The following GALNT13 variants were observed in gnomAD, a reference collection of about 807,000 sequenced individuals.
GALNT13 encodes UDP-GalNAc:polypeptide N-acetylgalactosaminyltransferase 13.
Under a neutral mutation model 64.2 loss-of-function variants are expected in GALNT13, and 28 were observed. The ratio of observed to expected loss-of-function variants is 0.44; its 90% CI spans 0.32 to 0.60. The LOEUF (loss-of-function observed/expected upper bound fraction) is 0.60, where lower values mean the gene tolerates loss of function less well. Ranked by LOEUF, GALNT13 falls within the 20% of genes least tolerant of loss-of-function variation. GALNT13 has a pLI of 0.05. For synonymous variants in GALNT13, 214 were observed against 224.6 expected (o/e 0.95, Z 0.42); for missense variants, 577 against 669.8 (o/e 0.86, Z 1.53).
At chr2:153,614,154 A>G in the GALNT13 span, among the ~76,000 whole-genome samples, 1 of 152,068 alleles carries the variant, frequency 6.6e-6, no homozygotes, top group South Asian at 2.1e-4. Flanking sequence ...GTGAACTCTA[A>G]AAACCCAATG....
At chr2:154,440,856 C>T (rs778779872) in intron 12 of GALNT13, among the ~76,000 whole-genome samples, 3 of 151,986 alleles carry the variant, frequency 2.0e-5, no homozygotes, top group East Asian at 1.9e-4. Flanking sequence ...CTTTGATGTG[C>T]GATTATATTT....
chr2:153,314,131 A>G, the GALNT13 span, among the ~76,000 whole-genome samples: 1 of 152,220 alleles, frequency 6.6e-6, no homozygotes, highest in Non-Finnish European at 1.5e-5. Context: ...ATTTAAAAGT[A>G]TACTGAAATA....
intron 4 of GALNT13, among the ~76,000 whole-genome samples, chr2:154,233,053 A>AG (rs1261931429): frequency 2.0e-5 from 3 of 151,030 alleles, no homozygotes; most frequent in African/African-American, 4.8e-5. Flanking sequence ...AAAAAAAAAA[A>AG]AAAAGAAAAA....
the GALNT13 span, among the ~76,000 whole-genome samples, chr2:153,298,478 G>A: frequency 4.6e-5 from 7 of 152,270 alleles, no homozygotes; most frequent in South Asian, 1.2e-3. Context: ...CTATAAGAGT[G>A]GTGATCTCCT....
the GALNT13 span, among the ~76,000 whole-genome samples, chr2:153,230,138 A>C: frequency 4.6e-5 from 7 of 152,220 alleles, no homozygotes; most frequent in African/African-American, 1.7e-4. Context: ...CTAAGCAATA[A>C]ATTGTCTGGC....
the GALNT13 span, among the ~76,000 whole-genome samples, chr2:153,241,877 A>G: frequency 3.1e-4 from 47 of 152,086 alleles, no homozygotes; most frequent in African/African-American, 1.1e-3. Context: ...GGATCCCTGT[A>G]AGCCTGCTTT....
chr2:153,721,048 G>A, the GALNT13 span, among the ~76,000 whole-genome samples: 4 of 151,422 alleles, frequency 2.6e-5, no homozygotes, highest in Non-Finnish European at 5.9e-5. Flanking sequence ...AAAATGTTAA[G>A]GGCAGCCAGA....
At chr2:154,197,499 T>C (rs1288055055) in intron 4 of GALNT13, among the ~76,000 whole-genome samples, 5 of 152,016 alleles carry the variant, frequency 3.3e-5, no homozygotes, top group African/African-American at 1.2e-4. Context: ...AATAAATGAG[T>C]ACATCTACCT....
chr2:153,504,289 T>A, the GALNT13 span, among the ~76,000 whole-genome samples: 1 of 152,140 alleles, frequency 6.6e-6, no homozygotes, highest in African/African-American at 2.4e-5. Context: ...TTTGGATGAG[T>A]CTTTAGAGCT....
At chr2:153,980,054 A>G (rs544091224) in intron 3 of GALNT13, among the ~76,000 whole-genome samples, 9 of 152,282 alleles carry the variant, frequency 5.9e-5, no homozygotes, top group Admixed American at 3.3e-4. Context: ...TACAATTGTG[A>G]TATATATGAT....
chr2:153,163,953 A>G, the GALNT13 span, among the ~76,000 whole-genome samples: 180 of 150,916 alleles, frequency 1.2e-3, no homozygotes, highest in African/African-American at 1.7e-3. Context: ...GGGAGGCAGA[A>G]CTTGCAGTGA....
chr2:154,125,319 T>G (rs1682196293), intron 3 of GALNT13, among the ~76,000 whole-genome samples: 1 of 152,138 alleles, frequency 6.6e-6, no homozygotes, highest in Admixed American at 6.5e-5. Context: ...TATGTTAATA[T>G]TTAGGCTAAG....
intron 4 of GALNT13, among the ~76,000 whole-genome samples, chr2:154,195,718 A>C (rs1208934848): frequency 6.6e-6 from 1 of 152,130 alleles, no homozygotes; most frequent in African/African-American, 2.4e-5. Context: ...ATTTTGAAAA[A>C]AAAAATATTA....
the GALNT13 span, among the ~76,000 whole-genome samples, chr2:153,548,691 C>T: frequency 6.6e-6 from 1 of 152,136 alleles, no homozygotes; most frequent in Non-Finnish European, 1.5e-5. Flanking sequence ...GTATAAAACA[C>T]ATGGTATGGT....
chr2:154,115,230 T>C (rs934200626), intron 3 of GALNT13, among the ~76,000 whole-genome samples: 64 of 152,174 alleles, frequency 4.2e-4, no homozygotes, highest in African/African-American at 1.5e-3. Context: ...GTGTGGGACA[T>C]ATTTTAATCC....
the GALNT13 span, among the ~76,000 whole-genome samples, chr2:153,114,920 A>G: frequency 6.6e-6 from 1 of 152,172 alleles, no homozygotes; most frequent in African/African-American, 2.4e-5. Flanking sequence ...GTTTAAATGG[A>G]ATTTCAGACA....
At chr2:153,225,403 T>G in the GALNT13 span, among the ~76,000 whole-genome samples, 9 of 152,194 alleles carry the variant, frequency 5.9e-5, no homozygotes, top group Admixed American at 2.0e-4. Flanking sequence ...GTTGAGAGAC[T>G]GGTTAGTTAG....
intron 3 of GALNT13, among the ~76,000 whole-genome samples, chr2:154,116,558 G>T (rs1420067396): frequency 2.6e-5 from 4 of 152,160 alleles, no homozygotes; most frequent in Admixed American, 1.3e-4. Flanking sequence ...CAACCAACCA[G>T]CTTCATTGTT....
intron 1 of GALNT13, among the ~76,000 whole-genome samples, chr2:153,872,736 GC>G (rs1686065922): frequency 1.3e-5 from 2 of 151,012 alleles, no homozygotes; most frequent in East Asian, 4.2e-4. Flanking sequence ...GGCAGCCCCG[GC>G]TGCGTTGCGG....
Sources: allele counts gnomAD v4.1 joint callset (sites outside exome capture counted in the v4.1 genomes callset), GRCh38; gene constraint gnomAD v4.1.1; transcripts MANE v1.5; gene names NCBI Gene and HGNC (gene_info 2026-07-23, HGNC 2026-07-21).